ACOT11: variants seen among roughly 807,000 people sequenced by gnomAD.
ACOT11 encodes the protein acyl-coenzyme A thioesterase 11.
In ACOT11, 69 loss-of-function variants were observed where a neutral mutation model predicts 77.5. That is an observed-to-expected ratio of 0.89 (90% CI 0.73 to 1.09). ACOT11 has a LOEUF of 1.09. Ranked by LOEUF, ACOT11 falls within the 50% of genes least tolerant of loss-of-function variation. The pLI is 0.00. For missense variants in ACOT11, 766 were observed against 813.7 expected, an observed-to-expected ratio of 0.94 and a Z score of 0.71; for synonymous variants, 279 against 313.0, an observed-to-expected ratio of 0.89 and a Z score of 1.15.
downstream of ACOT11, chr1:54,611,733 C>G (rs569041271): frequency 6.2e-7 from 1 of 1,614,080 alleles, no homozygotes; most frequent in South Asian, 1.1e-5. Context: ...CCTGCCACAG[C>G]GTCAGGCTGT....
intron 16 of ACOT11, among the ~76,000 whole-genome samples, chr1:54,632,467 A>G (rs1279129457): frequency 6.6e-6 from 1 of 152,246 alleles, no homozygotes; most frequent in Admixed American, 6.5e-5. Context: ...ATACAAATAC[A>G]TACAGGAGTC....
chr1:54,617,350 T>G lies in ACOT11; in HGVS notation c.1629+9282T>G, dbSNP rs570157643. On this transcript the variant is annotated intron_variant, in intron 15 of 16. Coordinates refer to the ACOT11 transcript ENST00000371316. The stretch of plus-strand genomic sequence containing the variant: ...GGGGCCTTTTCTCCTGCTTTCTCCC[T>G]GACTCCTGACCATTCTTCTCACCTC... 7.2e-4 allele frequency among the ~76,000 whole-genome samples: 110 copies of G among 152,022 alleles called. 1 individual carries two copies. Among genetic ancestry groups the G allele is most frequent in the Admixed American group, 5.6e-3 (86 of 15,248 alleles).
At chr1:54,583,044 C>T (rs540343414) in intron 1 of ACOT11, among the ~76,000 whole-genome samples, 47 of 152,274 alleles carry the variant, frequency 3.1e-4, no homozygotes, top group Admixed American at 1.2e-3. Flanking sequence ...AGGCCCCCAG[C>T]GCACAACCAA....
intron 15 of ACOT11, among the ~76,000 whole-genome samples, chr1:54,617,321 A>G (rs961647619): frequency 1.3e-5 from 2 of 152,136 alleles, no homozygotes; most frequent in Admixed American, 6.5e-5. Flanking sequence ...GACTGATGCC[A>G]GAAGGGGCCT....
At chr1:54,605,268 G>A in intron 13 of ACOT11, 59 bp downstream of exon 13, 3 of 1,577,796 alleles carry the variant, frequency 1.9e-6, no homozygotes, top group Non-Finnish European at 2.6e-6. Context: ...GAGGGAGAGA[G>A]TGTCTCCTTC....
rs748837133 is a variant in ACOT11 at position 54,616,044 on chromosome 1, C to T, written c.1629+7976C>T. ...CCCTTTTGGGAAGAGCCCAGCACAG[C>T]GTCCAGCCACTGCTCCAGTGTGTTG... On this transcript the variant is annotated intron_variant, in intron 15 of 16. Transcript: ENST00000371316. 8.2e-5 allele frequency: 132 copies of T among 1,614,002 alleles called. 1 individual carries two copies. The South Asian group carries it at 1.2e-3, about 15-fold the overall frequency.
At chr1:54,610,495 AGCTGGAGAAGAGGGATCAGGCT>A (rs746807453), downstream of ACOT11, 2 of 1,612,382 alleles carry the variant, frequency 1.2e-6, no homozygotes, top group South Asian at 2.2e-5. Context: ...ATCCCCAGGC[AGCTGGAGAAGAGGGATCAGGCT>A]GCCTCCCGTG....
At chr1:54,611,752 A>G (rs1345326763), downstream of ACOT11, 1 of 1,613,788 alleles carries the variant, frequency 6.2e-7, no homozygotes, top group Non-Finnish European at 8.5e-7. Flanking sequence ...GTACCTGGGG[A>G]CACGAGAGCT....
intron 13 of ACOT11, among the ~76,000 whole-genome samples, chr1:54,605,571 C>G (rs1336915935): frequency 6.6e-6 from 1 of 151,960 alleles, no homozygotes; most frequent in African/African-American, 2.4e-5. Context: ...AAACCATGTG[C>G]TGTGGAGTTC....
At chr1:54,613,177 C>T (rs186254809), downstream of ACOT11, among the ~76,000 whole-genome samples, 2 of 151,868 alleles carry the variant, frequency 1.3e-5, no homozygotes, top group South Asian at 2.1e-4. Context: ...GTTGGGAGTT[C>T]GAGACCAGCC....
Position 54,607,588 on chromosome 1 carries a change from C to T in ACOT11, c.1502+323C>T, listed in dbSNP as rs1275876582. ...CTCCTTGGCCTCCTCCCTCTGACAG[C>T]CCTGTGTGGGCTGGAGGGCCTAAAC... On this transcript the variant is annotated intron_variant, in intron 14 of 15. Transcript: ENST00000343744. The surrounding 1 kb of genome is among the most constrained non-coding windows in gnomAD (Gnocchi z 4.5). Among the ~76,000 whole-genome samples the T allele has an allele frequency of 2.6e-5, 4 of 152,176 alleles. No homozygotes were observed. Among genetic ancestry groups the T allele is most frequent in the African/African-American group, 9.7e-5 (4 of 41,434 alleles).
rs367983905 is a variant in ACOT11, at chr1:54,594,315, C to T, written c.472-241C>T. Among the ~76,000 whole-genome samples the T allele has an allele frequency of 3.9e-5, 6 of 152,306 alleles. No individual in the cohort carries two copies. In the East Asian group the frequency reaches 5.8e-4, roughly 15 times the overall value. On this transcript the variant is annotated intron_variant, in intron 5 of 15. Coordinates refer to ENST00000343744, the MANE Select transcript of ACOT11 (RefSeq NM_147161.4). Reference sequence around the variant, plus strand: ...CACCATTCTGTCACCTACAGTGACACCCCCCATCCTCTGAGCCTTTGGCCA... The same window carrying T: ...CACCATTCTGTCACCTACAGTGACATCCCCCATCCTCTGAGCCTTTGGCCA...
At chr1:54,583,517 C>G (rs530636014) in intron 1 of ACOT11, among the ~76,000 whole-genome samples, 2 of 152,276 alleles carry the variant, frequency 1.3e-5, no homozygotes, top group African/African-American at 4.8e-5. Context: ...AGCCCAGGTC[C>G]CTGGACTCCT....
At chr1:54,560,746 G>C (rs2100944842) in intron 1 of ACOT11, among the ~76,000 whole-genome samples, 1 of 150,614 alleles carries the variant, frequency 6.6e-6, no homozygotes, top group South Asian at 2.1e-4. Flanking sequence ...TTTTGAGACA[G>C]AGTTTTGCTC....
Position 54,594,606 on chromosome 1 carries a change from C to T in ACOT11, c.522C>T (p.His174=). Residue 174 remains histidine, a synonymous_variant, in exon 6 of 16, where the codon CAC becomes CAT. Transcript: ENST00000343744. ...TPRTEEEKME[H]SVAAERRRMR... is the part of the protein sequence containing the mutation. ...GGACAGAAGAGGAGAAGATGGAGCA[C>T]AGTGTGGCGGCTGAGCGCCGGCGCA... 1.9e-6 allele frequency: 3 copies of T among 1,614,196 alleles called. No homozygotes were observed. Among genetic ancestry groups the T allele is most frequent in the South Asian group, 1.1e-5 (1 of 91,070 alleles).
intron 15 of ACOT11, among the ~76,000 whole-genome samples, chr1:54,630,342 A>G (rs1644292750): frequency 6.6e-6 from 1 of 152,198 alleles, no homozygotes; most frequent in South Asian, 2.1e-4. Context: ...ACTGGCCATA[A>G]GCAAAATCTC....
At chr1:54,633,803 G>C (rs1272077549) in intron 16 of ACOT11, among the ~76,000 whole-genome samples, 1 of 152,216 alleles carries the variant, frequency 6.6e-6, no homozygotes, top group Non-Finnish European at 1.5e-5. Context: ...TATCCTTGGA[G>C]GAAATCCTAG....
intron 1 of ACOT11, among the ~76,000 whole-genome samples, chr1:54,572,087 T>C (rs1653947246): frequency 6.6e-6 from 1 of 151,804 alleles, no homozygotes; most frequent in Admixed American, 6.6e-5. Context: ...CTGGAGCCTG[T>C]CCTCCCTTCC....
In ACOT11 at chr1:54,573,273, CT is replaced by C. The variant is rs1193613796; in HGVS notation, c.34-11380del. ...AGTCTTAGCTTTTGCGGTAAGCAGA[CT>C]TGGGTTGATGTCTCAGCTCTGCCCT... On this transcript the variant is annotated intron_variant, in intron 1 of 15. Transcript: ENST00000343744. 285 of 982,416 alleles carry C rather than the reference CT, an allele frequency of 2.9e-4. 1 individual carries two copies. The African/African-American group carries it at 4.8e-3, about 16-fold the overall frequency. 60.9% of individuals were successfully genotyped at this position (982,416 alleles called of 1,614,324 possible).
Sources: allele counts gnomAD v4.1 joint callset (sites outside exome capture counted in the v4.1 genomes callset), GRCh38; gene constraint gnomAD v4.1.1; non-coding constraint Gnocchi (gnomAD v3.1); transcripts MANE v1.5; gene names NCBI Gene and HGNC (gene_info 2026-07-23, HGNC 2026-07-21).